The following FBXO34 variants were observed in gnomAD, a reference collection of about 807,000 sequenced individuals.
FBXO34 encodes the protein F-box protein 34, also known as F-box only protein 34.
Under a neutral mutation model 24.5 loss-of-function variants are expected in FBXO34, and 12 were observed. The ratio of observed to expected loss-of-function variants is 0.49; its 90% confidence interval spans 0.31 to 0.79. The LOEUF is 0.79. FBXO34 is among the 30% of genes least tolerant of loss of function. The pLI, the probability that FBXO34 is intolerant of heterozygous loss-of-function variation, is 0.04. For synonymous variants in FBXO34, 320 were observed against 311.9 expected, an observed-to-expected ratio of 1.03 and a Z score of -0.27; for missense variants, 823 against 857.7, an observed-to-expected ratio of 0.96 and a Z score of 0.51.
rs774877008 is a variant in FBXO34, at chr14:55,350,550, G to A, written c.160G>A (p.Gly54Ser). ...AAGTGTCTTTCCTTCAGCCTCTCTC[G>A]GTAAAGCATCATCTCGAAAGCCATT... ...TSSVFPSASL[G>S]KASSRKPFGI... The change falls in exon 2 of 2, where the codon GGT becomes AGT. Residue 54 changes from glycine to serine, a missense_variant. This residue lies in a region of FBXO34 where 693 missense variants were observed against 659.1 expected (regional missense o/e 1.05). Coordinates refer to ENST00000313833, the MANE Select transcript of FBXO34 (RefSeq NM_017943.4). The A allele has an allele frequency of 3.1e-6, 5 of 1,613,018 alleles. No homozygotes were observed. Among genetic ancestry groups the A allele is most frequent in the Non-Finnish European group, 4.2e-6 (5 of 1,179,792 alleles).
chr14:55,442,338 C>T, the FBXO34 span, among the ~76,000 whole-genome samples: 4 of 150,578 alleles, frequency 2.7e-5, no homozygotes, highest in Admixed American at 2.7e-4. Context: ...GCAATGAGCC[C>T]AGATCATGTC....
chr14:55,420,985 C>G, the FBXO34 span, among the ~76,000 whole-genome samples: 1 of 149,098 alleles, frequency 6.7e-6, no homozygotes, highest in African/African-American at 2.5e-5. Context: ...GGCGTGAACC[C>G]GGGAGGCGGA....
At chr14:55,409,956 A>G in the FBXO34 span, among the ~76,000 whole-genome samples, 3 of 152,180 alleles carry the variant, frequency 2.0e-5, no homozygotes, top group Non-Finnish European at 4.4e-5. Flanking sequence ...TGAAAGGGTA[A>G]GATTTAAGAT....
chr14:55,386,397 C>G, the FBXO34 span, among the ~76,000 whole-genome samples: 5 of 152,210 alleles, frequency 3.3e-5, no homozygotes, highest in Admixed American at 3.3e-4. Context: ...GATTTTCCTA[C>G]AGTGTGCACC....
chr14:55,342,881 G>C (rs1028705702), intron 1 of FBXO34, among the ~76,000 whole-genome samples: 1 of 152,184 alleles, frequency 6.6e-6, no homozygotes, highest in Non-Finnish European at 1.5e-5. Context: ...TTTATCGTAG[G>C]TTTTCGATAT....
chr14:55,380,877 T>TATA, the FBXO34 span, among the ~76,000 whole-genome samples: 91 of 43,640 alleles, frequency 2.1e-3, no homozygotes, highest in Middle Eastern at 0.01. Context: ...ATATATATAT[T>TATA]TTTTTTTTTT....
the FBXO34 span, among the ~76,000 whole-genome samples, chr14:55,439,930 C>CAAAAAAAAAAAAAAA: frequency 7.4e-3 from 291 of 39,122 alleles, 10 homozygotes; most frequent in Non-Finnish European, 0.011. Context: ...GACTCTGTCT[C>CAAAAAAAAAAAAAAA]AAAAAAAAAA....
intron 1 of FBXO34, among the ~76,000 whole-genome samples, chr14:55,342,470 T>C (rs1884023965): frequency 6.6e-6 from 1 of 152,170 alleles, no homozygotes; most frequent in South Asian, 2.1e-4. Flanking sequence ...CCCGAAAAAG[T>C]CATCCCCCAA....
intron 1 of FBXO34, among the ~76,000 whole-genome samples, chr14:55,309,362 A>G (rs1381748269): frequency 1.3e-5 from 2 of 152,196 alleles, no homozygotes; most frequent in African/African-American, 4.8e-5. Flanking sequence ...TTCCAGAACG[A>G]TGGGCTATGA....
chr14:55,332,093 TATATTTAA>T (rs1290326879), intron 1 of FBXO34, among the ~76,000 whole-genome samples: 7 of 146,756 alleles, frequency 4.8e-5, no homozygotes, highest in African/African-American at 1.7e-4. Flanking sequence ...AATATATATA[TATATTTAA>T]ATATATATAT....
chr14:55,436,596 A>G, the FBXO34 span: 1 of 1,614,090 alleles, frequency 6.2e-7, no homozygotes. Context: ...ATTCTGAAAT[A>G]GGGGTCATTG....
At chr14:55,433,821 T>C in the FBXO34 span, 1 of 1,009,666 alleles carries the variant, frequency 9.9e-7, no homozygotes, top group Non-Finnish European at 1.5e-6. Flanking sequence ...ACAGATTGGA[T>C]GGGAAAACTA....
the FBXO34 span, chr14:55,377,670 A>G: frequency 2.2e-6 from 1 of 463,456 alleles, no homozygotes; most frequent in Non-Finnish European, 3.8e-6. Context: ...AAATATAATT[A>G]CCTTTGTTTC....
chr14:55,314,985 G>C (rs911799538), intron 1 of FBXO34, among the ~76,000 whole-genome samples: 1 of 151,960 alleles, frequency 6.6e-6, no homozygotes. Context: ...TCAGCTTCAG[G>C]TATCTTTTGA....
chr14:55,359,651 TG>T (rs1457709691), intron 3 of FBXO34, among the ~76,000 whole-genome samples: 5 of 152,208 alleles, frequency 3.3e-5, no homozygotes, highest in Non-Finnish European at 7.3e-5. Flanking sequence ...TGAAGTTTGC[TG>T]TATCGATTAA....
chr14:55,351,694 T>C lies in FBXO34; in HGVS notation c.1304T>C (p.Met435Thr), dbSNP rs1884386028. The C allele has an allele frequency of 6.2e-7, 1 of 1,614,136 alleles. No individual in the cohort carries two copies. Among genetic ancestry groups the C allele is most frequent in the Admixed American group, 1.7e-5 (1 of 60,008 alleles). Residue 435 changes from methionine to threonine, a missense_variant, in exon 2 of 2, where the codon ATG (methionine) becomes ACG (threonine). Physicochemically the swap from Met to Thr is moderately conservative, Grantham distance 81 (BLOSUM62 -1). Coordinates refer to ENST00000313833, the MANE Select transcript of FBXO34 (RefSeq NM_017943.4). ...TTGCCCACAGATGCTGTTGATTGTA[T>C]GAGCAGAGAGCTTGTGTCCCTTACT... ...SELPTDAVDC[M>T]SRELVSLTSR... is the part of the protein sequence containing the mutation.
At chr14:55,415,442 C>T in the FBXO34 span, among the ~76,000 whole-genome samples, 14 of 152,284 alleles carry the variant, frequency 9.2e-5, no homozygotes, top group African/African-American at 3.4e-4. Context: ...AACAATTTCA[C>T]GCCTTGGTAA....
At chr14:55,353,969 G>A (rs1443779138), downstream of FBXO34, among the ~76,000 whole-genome samples, 1 of 152,194 alleles carries the variant, frequency 6.6e-6, no homozygotes, top group African/African-American at 2.4e-5. Flanking sequence ...GAAAGCTGCT[G>A]TGGGTGGAAG....
the FBXO34 span, among the ~76,000 whole-genome samples, chr14:55,402,072 T>C: frequency 6.6e-6 from 1 of 151,960 alleles, no homozygotes; most frequent in Non-Finnish European, 1.5e-5. Context: ...AAATCTGCCT[T>C]ATATTACCAG....
Sources: allele counts gnomAD v4.1 joint callset (sites outside exome capture counted in the v4.1 genomes callset), GRCh38; gene constraint gnomAD v4.1.1; regional missense constraint gnomAD v4.1.1; transcripts MANE v1.5; gene names NCBI Gene and HGNC (gene_info 2026-07-23, HGNC 2026-07-21).